Variants in TENM3 observed in about 807,000 individuals in gnomAD.
The protein encoded by TENM3 is teneurin-3.
TENM3 carries 63 observed loss-of-function variants against 255.1 expected under a neutral mutation model. That is an observed-to-expected ratio of 0.25 (90% CI 0.20 to 0.30). TENM3 has a LOEUF of 0.30. Among genes scored for constraint, TENM3 ranks in the 10% least tolerant of loss-of-function variants. The probability of loss-of-function intolerance (pLI) is 1.00; values close to 1 mark genes in which losing one functional copy is unlikely to be tolerated. For synonymous variants in TENM3, 1,306 were observed against 1,322.3 expected, an observed-to-expected ratio of 0.99 and a Z score of 0.27; for missense variants, 2,929 against 3,461.1, an observed-to-expected ratio of 0.85 and a Z score of 3.86.
At chr4:182,670,765 C>T (rs1035771354) in intron 6 of TENM3, among the ~76,000 whole-genome samples, 1 of 152,114 alleles carries the variant, frequency 6.6e-6, no homozygotes, top group African/African-American at 2.4e-5. Flanking sequence ...TCTGTGATTG[C>T]AGGTCATGTT....
the TENM3 span, among the ~76,000 whole-genome samples, chr4:182,077,671 A>T: frequency 1.3e-5 from 2 of 152,208 alleles, no homozygotes; most frequent in African/African-American, 2.4e-5. Flanking sequence ...GCATTATTCT[A>T]AGCACTTGGA....
the TENM3 span, among the ~76,000 whole-genome samples, chr4:181,712,414 C>T: frequency 6.6e-6 from 1 of 152,094 alleles, no homozygotes; most frequent in Non-Finnish European, 1.5e-5. Flanking sequence ...CTCACTCCTG[C>T]CGTTTGAGAG....
At chr4:182,418,009 A>G (rs987955802) in intron 3 of TENM3, among the ~76,000 whole-genome samples, 1 of 152,204 alleles carries the variant, frequency 6.6e-6, no homozygotes, top group Non-Finnish European at 1.5e-5. Context: ...AAATTCTATA[A>G]TTTGGCCCTA....
At chr4:182,526,383 G>A (rs1739183821) in intron 3 of TENM3, among the ~76,000 whole-genome samples, 1 of 152,036 alleles carries the variant, frequency 6.6e-6, no homozygotes, top group Non-Finnish European at 1.5e-5. Context: ...CGTCCCCTCA[G>A]TAGTGCTGTA....
the TENM3 span, among the ~76,000 whole-genome samples, chr4:181,614,151 A>G: frequency 6.6e-6 from 1 of 152,144 alleles, no homozygotes; most frequent in African/African-American, 2.4e-5. Context: ...TGATAAATAT[A>G]ACCCACATAG....
At chr4:181,480,831 A>G in the TENM3 span, among the ~76,000 whole-genome samples, 1 of 149,482 alleles carries the variant, frequency 6.7e-6, no homozygotes, top group Admixed American at 6.7e-5. Context: ...ATATATTAAT[A>G]GTTACATATA....
At chr4:181,794,039 A>C in the TENM3 span, among the ~76,000 whole-genome samples, 3 of 152,230 alleles carry the variant, frequency 2.0e-5, no homozygotes, top group Non-Finnish European at 4.4e-5. Flanking sequence ...CAAAACAAGC[A>C]TCAAAAACAA....
chr4:182,454,217 C>A (rs1773699042), intron 3 of TENM3, among the ~76,000 whole-genome samples: 1 of 152,148 alleles, frequency 6.6e-6, no homozygotes, highest in East Asian at 1.9e-4. Context: ...CTTGTTTTAT[C>A]ATTTACACAT....
the TENM3 span, among the ~76,000 whole-genome samples, chr4:182,014,928 G>A: frequency 6.6e-6 from 1 of 152,210 alleles, no homozygotes; most frequent in African/African-American, 2.4e-5. Flanking sequence ...GCCAATCCCT[G>A]TTACATTTGC....
chr4:182,057,601 A>C, the TENM3 span, among the ~76,000 whole-genome samples: 1 of 151,518 alleles, frequency 6.6e-6, no homozygotes, highest in African/African-American at 2.4e-5. Flanking sequence ...GGTTCTCACT[A>C]TGTTGCCCAG....
At chr4:182,241,713 TG>T (rs1757274266), upstream of TENM3, among the ~76,000 whole-genome samples, 1 of 98,024 alleles carries the variant, frequency 1.0e-5, no homozygotes, top group Admixed American at 9.5e-5. Context: ...TTTCCCATGT[TG>T]GTCAGGCTGG....
intron 3 of TENM3, among the ~76,000 whole-genome samples, chr4:182,566,693 G>C (rs1008548386): frequency 6.6e-6 from 1 of 152,168 alleles, no homozygotes; most frequent in Non-Finnish European, 1.5e-5. Flanking sequence ...GCCACCAATG[G>C]AATGTCATTA....
At chr4:181,626,441 A>T in the TENM3 span, among the ~76,000 whole-genome samples, 1 of 152,172 alleles carries the variant, frequency 6.6e-6, no homozygotes, top group East Asian at 1.9e-4. Context: ...GCATTGGCTC[A>T]TGGTTCTGCA....
chr4:181,836,253 A>C, the TENM3 span, among the ~76,000 whole-genome samples: 83,308 of 151,686 alleles, frequency 0.55, 24,492 homozygotes, highest in East Asian at 0.74. Context: ...ATTCTAGTCA[A>C]AATACTCATA....
chr4:182,379,772 C>G (rs1767441494), intron 3 of TENM3, among the ~76,000 whole-genome samples: 1 of 152,220 alleles, frequency 6.6e-6, no homozygotes, highest in South Asian at 2.1e-4. Context: ...AGGTCCACCG[C>G]TCACTAGCTC....
chr4:182,095,272 A>C, the TENM3 span, among the ~76,000 whole-genome samples: 1 of 152,228 alleles, frequency 6.6e-6, no homozygotes, highest in Non-Finnish European at 1.5e-5. Context: ...TACAGAATCA[A>C]CCTAAGTACC....
chr4:181,744,477 C>G, the TENM3 span, among the ~76,000 whole-genome samples: 6 of 152,270 alleles, frequency 3.9e-5, no homozygotes, highest in East Asian at 1.2e-3. Context: ...TCTCTGCAAC[C>G]TCACCAGCAT....
Position 182,792,407 on chromosome 4 carries a change from G to A in TENM3, c.5735G>A (p.Arg1912His), listed in dbSNP as rs1472368412. Residue 1912 changes from arginine (R) to histidine (H), a missense_variant, in exon 26 of 28, where the codon CGC (arginine) becomes CAC (histidine). By Grantham distance (29) the Arg-to-His change is conservative. This residue lies in a region of TENM3 where 303 missense variants were observed against 425.2 expected (regional missense o/e 0.71). Transcript: ENST00000511685. The surrounding 1 kb of genome is among the most constrained non-coding windows in gnomAD (Gnocchi z 6.3). ...ACCATCCGATCCATTGGCTACTACC[G>A]CAACATATACAACCCCCCGGAAAGC... The part of the protein sequence containing the change: ...MQTIRSIGYY[R>H]NIYNPPESNA... 1.2e-6 allele frequency: 2 copies of A among 1,613,846 alleles called. No individual in the cohort carries two copies. The highest frequency in any genetic ancestry group is 1.7e-6 in the Non-Finnish European group (2 of 1,179,904).
chr4:182,711,230 C>T (rs1758725423), intron 12 of TENM3, among the ~76,000 whole-genome samples: 1 of 151,998 alleles, frequency 6.6e-6, no homozygotes, highest in South Asian at 2.1e-4. Flanking sequence ...TTGTAAATTT[C>T]CAAAGTTCTT....
Sources: gnomAD v4.1 joint callset for allele counts (sites outside exome capture counted in the v4.1 genomes callset) on GRCh38, gnomAD v4.1.1 for gene constraint, gnomAD v4.1.1 regional missense constraint, Gnocchi (gnomAD v3.1) non-coding constraint, MANE v1.5 for transcripts, NCBI Gene and HGNC (gene_info 2026-07-23, HGNC 2026-07-21) for gene names.